Variants in KIRREL1 observed in about 807,000 individuals in gnomAD.
KIRREL1 encodes kirre like nephrin family adhesion molecule 1, also known as kin of IRRE-like protein 1.
KIRREL1 carries 25 observed loss-of-function variants against 83.3 expected under a neutral mutation model. The ratio of observed to expected loss-of-function variants is 0.30; its 90% confidence interval spans 0.22 to 0.42. The LOEUF is 0.42. Ranked by LOEUF, KIRREL1 falls within the 10% of genes least tolerant of loss-of-function variation. The probability of loss-of-function intolerance (pLI) is 1.00; values close to 1 mark genes in which losing one functional copy is unlikely to be tolerated. For synonymous variants in KIRREL1, 388 were observed against 410.4 expected (o/e 0.95, Z 0.66); for missense variants, 812 against 1,032.3 (o/e 0.79, Z 2.92).
At chr1:158,013,556 G>A (rs1659745174) in intron 1 of KIRREL1, among the ~76,000 whole-genome samples, 1 of 152,194 alleles carries the variant, frequency 6.6e-6, no homozygotes, top group African/African-American at 2.4e-5. Flanking sequence ...AGGACCTAGG[G>A]CATCGTAGAG....
chr1:158,002,170 A>C (rs1375795147), intron 1 of KIRREL1, among the ~76,000 whole-genome samples: 1 of 152,226 alleles, frequency 6.6e-6, no homozygotes, highest in African/African-American at 2.4e-5. Context: ...TTTTCCTCTG[A>C]GAATACTTCA....
chr1:158,060,901 C>T (rs1289486604), intron 1 of KIRREL1, among the ~76,000 whole-genome samples: 1 of 152,116 alleles, frequency 6.6e-6, no homozygotes, highest in East Asian at 1.9e-4. Context: ...GGATGAAATA[C>T]CCAAATTTCA....
rs566767144 is a variant in KIRREL1, at chr1:158,032,808, T to C, written c.52+39080T>C. On this transcript the variant is annotated intron_variant, in intron 1 of 14. Coordinates refer to ENST00000359209, the MANE Select transcript of KIRREL1 (RefSeq NM_018240.7). The stretch of plus-strand genomic sequence containing the variant: ...CTTTTTGAGATGGAGTCTTGTTCTG[T>C]TGCCCAGGATGGAGTGCAATGGCAC... Among the ~76,000 whole-genome samples the C allele has an allele frequency of 1.7e-4, 26 of 152,348 alleles. 1 individual carries two copies. The East Asian group carries it at 4.1e-3, about 24-fold the overall frequency.
At chr1:158,092,632 C>G (rs1051809109) in intron 11 of KIRREL1, among the ~76,000 whole-genome samples, 2 of 152,152 alleles carry the variant, frequency 1.3e-5, no homozygotes, top group African/African-American at 4.8e-5. Flanking sequence ...CAGGCATGAG[C>G]CACCATGCCC....
intron 4 of KIRREL1, among the ~76,000 whole-genome samples, chr1:158,085,377 T>C (rs1033796535): frequency 6.6e-6 from 1 of 152,238 alleles, no homozygotes; most frequent in African/African-American, 2.4e-5. Flanking sequence ...GCTTCAGTTC[T>C]GCCCTTAACA....
At chr1:158,067,893 T>G (rs1661397645) in intron 1 of KIRREL1, among the ~76,000 whole-genome samples, 1 of 152,192 alleles carries the variant, frequency 6.6e-6, no homozygotes, top group Non-Finnish European at 1.5e-5. Flanking sequence ...TCTGCTCAGA[T>G]GCAAGGAAAC....
Position 158,093,431 on chromosome 1 carries a change from C to T in KIRREL1, c.1564C>T (p.Arg522Trp), listed in dbSNP as rs751855855. The change falls in exon 12 of 15, where the codon CGG (arginine) becomes TGG (tryptophan). Residue 522 changes from arginine (R) to tryptophan (W), a missense_variant. Around this residue, in one of 3 missense-constraint regions of KIRREL1, gnomAD observed 334 missense variants for 383.7 expected, o/e 0.87. Transcript: ENST00000359209. Reference sequence around the variant, plus strand: ...CATCGCCTTGGTATTCTTCCTCTACCGGCGCCGCAAAGGCAGTGAGTATGG... The same window carrying T: ...CATCGCCTTGGTATTCTTCCTCTACTGGCGCCGCAAAGGCAGTGAGTATGG... ...FFIALVFFLYRRRKGSRKDVT... is the reference protein window; with the variant it reads ...FFIALVFFLYWRRKGSRKDVT... 14 of 1,614,026 alleles carry T rather than the reference C, an allele frequency of 8.7e-6. No homozygotes were observed. The highest frequency in any genetic ancestry group is 2.2e-5 in the South Asian group (2 of 91,084).
At chr1:158,076,415 T>G (rs1299482360) in intron 2 of KIRREL1, among the ~76,000 whole-genome samples, 153 bp downstream of exon 2, 1 of 152,246 alleles carries the variant, frequency 6.6e-6, no homozygotes, top group Non-Finnish European at 1.5e-5. Context: ...GAGCTCCATT[T>G]CTACAGCTTT....
At chr1:158,036,961 C>T (rs985484021) in intron 1 of KIRREL1, among the ~76,000 whole-genome samples, 7 of 152,164 alleles carry the variant, frequency 4.6e-5, no homozygotes, top group African/African-American at 1.2e-4. Context: ...GTGAACCACC[C>T]GGAGTCTTGG....
At chr1:158,049,192 G>A (rs1285955702) in intron 1 of KIRREL1, among the ~76,000 whole-genome samples, 1 of 152,242 alleles carries the variant, frequency 6.6e-6, no homozygotes, top group Non-Finnish European at 1.5e-5. Flanking sequence ...CTAGGAGCCA[G>A]ACATCCTTGG....
intron 8 of KIRREL1, among the ~76,000 whole-genome samples, 179 bp downstream of exon 8, chr1:158,088,633 C>T (rs376055018): frequency 2.9e-4 from 44 of 151,470 alleles, no homozygotes; most frequent in African/African-American, 9.9e-4. Flanking sequence ...TACAGGCGCC[C>T]GCTACCACGC....
intron 1 of KIRREL1, among the ~76,000 whole-genome samples, chr1:158,052,398 C>T (rs1660930566): frequency 6.6e-6 from 1 of 152,164 alleles, no homozygotes; most frequent in South Asian, 2.1e-4. Flanking sequence ...ACCTGACCAC[C>T]AAGCTTCCTT....
At chr1:158,089,063 C>T (rs200131389) in intron 8 of KIRREL1, among the ~76,000 whole-genome samples, 2 of 152,004 alleles carry the variant, frequency 1.3e-5, no homozygotes, top group East Asian at 3.9e-4. Flanking sequence ...AATAATGCTG[C>T]ACAGGGAGGT....
At chr1:158,087,902 G>A (rs1224557819) in intron 6 of KIRREL1, 42 bp downstream of exon 6, 7 of 1,607,300 alleles carry the variant, frequency 4.4e-6, no homozygotes, top group African/African-American at 1.3e-5. Context: ...GGAGTGATAA[G>A]GAAGAGTTCG....
chr1:158,091,480 C>T lies in KIRREL1; in HGVS notation c.1395C>T (p.Asp465=). The change falls in exon 11 of 15, where the codon GAC becomes GAT. Residue 465 remains aspartate, a synonymous_variant. Transcript: ENST00000359209. ...TLTINNVMEA[D]FQTHYNCTAW... ...CCATCAACAATGTCATGGAGGCCGA[C>T]TTTCAGACTCACTACAACTGCACCG... 1 of 1,614,258 alleles carries T rather than the reference C, an allele frequency of 6.2e-7. No individual in the cohort carries two copies. The highest frequency in any genetic ancestry group is 1.1e-5 in the South Asian group (1 of 91,090).
intron 1 of KIRREL1, among the ~76,000 whole-genome samples, chr1:158,047,678 G>T (rs1660810166): frequency 6.6e-6 from 1 of 152,102 alleles, no homozygotes; most frequent in South Asian, 2.1e-4. Context: ...GTTAACCAAG[G>T]CTCAGAGCAG....
At chr1:158,038,765 T>C (rs1277104057) in intron 1 of KIRREL1, among the ~76,000 whole-genome samples, 2 of 152,198 alleles carry the variant, frequency 1.3e-5, no homozygotes, top group South Asian at 2.1e-4. Flanking sequence ...TTCTGTGTCA[T>C]GTCAAAGAAA....
chr1:158,036,303 G>T (rs966662928), intron 1 of KIRREL1, among the ~76,000 whole-genome samples: 1 of 152,112 alleles, frequency 6.6e-6, no homozygotes, highest in Non-Finnish European at 1.5e-5. Context: ...ATACTGCAAC[G>T]AACTTGTAGC....
chr1:158,066,481 T>C (rs922776138), intron 1 of KIRREL1, among the ~76,000 whole-genome samples: 1 of 152,234 alleles, frequency 6.6e-6, no homozygotes, highest in Non-Finnish European at 1.5e-5. Context: ...TATGACTCTT[T>C]CTTGTCATCT....
Sources: gnomAD v4.1 joint callset for allele counts (sites outside exome capture counted in the v4.1 genomes callset) on GRCh38, gnomAD v4.1.1 for gene constraint, gnomAD v4.1.1 regional missense constraint, MANE v1.5 for transcripts, NCBI Gene and HGNC (gene_info 2026-07-23, HGNC 2026-07-21) for gene names.